TNNI3K: variants seen among roughly 807,000 people sequenced by gnomAD.
TNNI3K encodes serine/threonine-protein kinase TNNI3K.
A neutral mutation model predicts 114.5 loss-of-function variants in TNNI3K; 140 were observed. The ratio of observed to expected loss-of-function variants is 1.22; its 90% CI spans 1.07 to 1.41. The LOEUF (loss-of-function observed/expected upper bound fraction) is 1.41, where lower values mean the gene tolerates loss of function less well. Ranked by LOEUF, TNNI3K falls within the 40% of genes most tolerant of loss-of-function variation. The pLI is 0.00. For missense variants in TNNI3K, 1,125 were observed against 1,007.6 expected (o/e 1.12, Z -1.58); for synonymous variants, 347 against 347.5 (o/e 1.00, Z 0.02).
chr1:74,532,135 A>C (rs12088642), intron 23 of TNNI3K, among the ~76,000 whole-genome samples: 1,771 of 152,316 alleles, frequency 0.012, 25 homozygotes, highest in African/African-American at 0.039. Flanking sequence ...AAAATTTTAC[A>C]CAAGATCAGA....
At chr1:74,352,872 T>G (rs10157188) in intron 9 of TNNI3K, among the ~76,000 whole-genome samples, 90,112 of 151,806 alleles carry the variant, frequency 0.59, 30,280 homozygotes, top group East Asian at 0.82. Context: ...CTGTCACCCC[T>G]TTCTTTGACT....
intron 5 of TNNI3K, among the ~76,000 whole-genome samples, chr1:74,323,685 G>C (rs1350813364): frequency 3.3e-5 from 5 of 152,028 alleles, no homozygotes; most frequent in Admixed American, 3.3e-4. Context: ...AGCAGGAGTA[G>C]AAGTAGTAGT....
chr1:74,339,811 A>T (rs1349751201), intron 7 of TNNI3K, among the ~76,000 whole-genome samples: 2 of 152,100 alleles, frequency 1.3e-5, no homozygotes, highest in South Asian at 2.1e-4. Context: ...AATAAGAAAA[A>T]AAAATGGTGA....
At position 74,393,845 on chromosome 1, in the gene TNNI3K, CCCTTGCATGCATAGTTCACA is replaced by C. The variant is rs1570566324; in HGVS notation, c.1772+23454_1772+23473del. Among the ~76,000 whole-genome samples, 4 of 152,238 alleles carry C rather than the reference CCCTTGCATGCATAGTTCACA, an allele frequency of 2.6e-5. No homozygotes were observed. The East Asian group carries it at 5.8e-4, about 22-fold the overall frequency. On this transcript the variant is annotated intron_variant, in intron 17 of 24. Transcript: ENST00000326637. ...CTCATAAGGATCACACAACCTAGAT[CCCTTGCATGCATAGTTCACA>C]ATAGGGTTTGTGCTCCTATGAGAAT...
intron 21 of TNNI3K, among the ~76,000 whole-genome samples, chr1:74,479,844 G>T (rs987572637): frequency 2.6e-5 from 4 of 152,192 alleles, no homozygotes; most frequent in African/African-American, 9.6e-5. Context: ...TATTATTCCT[G>T]TATTATACAC....
intron 21 of TNNI3K, chr1:74,472,127 G>A (rs1340378703): frequency 1.3e-5 from 9 of 717,122 alleles, no homozygotes; most frequent in Non-Finnish European, 2.1e-5. Flanking sequence ...TTTGTTAAAC[G>A]CTTCTCAAGA....
chr1:74,464,250 C>A (rs567038867), intron 21 of TNNI3K, among the ~76,000 whole-genome samples: 4 of 152,300 alleles, frequency 2.6e-5, no homozygotes, highest in African/African-American at 9.6e-5. Flanking sequence ...GAGGAGATTG[C>A]ACAACTTCTT....
intron 20 of TNNI3K, among the ~76,000 whole-genome samples, chr1:74,456,948 T>C (rs1667251104): frequency 6.6e-6 from 1 of 152,198 alleles, no homozygotes; most frequent in Admixed American, 6.5e-5. Flanking sequence ...TCAATAGGTC[T>C]CATATTGGTA....
At chr1:74,469,554 A>T (rs1667822406) in intron 21 of TNNI3K, 1 of 194,710 alleles carries the variant, frequency 5.1e-6, no homozygotes, top group South Asian at 2.0e-4. Flanking sequence ...TACTCTTCTT[A>T]TGTAGTTTTT....
chr1:74,331,553 G>T lies in TNNI3K; in HGVS notation c.543+5G>T, dbSNP rs1660208550. On this transcript the variant is annotated splice_donor_5th_base_variant and intron_variant, in intron 6 of 24. Transcript: ENST00000326637. ...GCGTACTATGGACATGAACAGGTAA[G>T]TCTGACAGTAGGATTTCCAAAGGTT... 1 of 1,607,512 alleles carries T rather than the reference G, an allele frequency of 6.2e-7. No individual in the cohort carries two copies. The highest frequency in any genetic ancestry group is 8.5e-7 in the Non-Finnish European group (1 of 1,175,944).
intron 21 of TNNI3K, chr1:74,472,101 A>G: frequency 1.4e-6 from 1 of 717,072 alleles, no homozygotes; most frequent in Admixed American, 2.0e-5. Context: ...TTTCTATTGG[A>G]GGCTGCCATG....
intron 23 of TNNI3K, among the ~76,000 whole-genome samples, chr1:74,500,582 C>T (rs1669567991): frequency 8.3e-6 from 1 of 120,152 alleles, no homozygotes; most frequent in Non-Finnish European, 1.6e-5. Flanking sequence ...CCAGCCTGGG[C>T]GACAGAGCGA....
intron 13 of TNNI3K, among the ~76,000 whole-genome samples, 192 bp downstream of exon 13, chr1:74,368,156 A>T (rs1662379224): frequency 6.6e-6 from 1 of 151,902 alleles, no homozygotes; most frequent in African/African-American, 2.4e-5. Flanking sequence ...AGATATAATA[A>T]CAGTGAAAAT....
At chr1:74,510,533 T>A (rs1009195467) in intron 23 of TNNI3K, among the ~76,000 whole-genome samples, 2 of 151,850 alleles carry the variant, frequency 1.3e-5, no homozygotes, top group Non-Finnish European at 2.9e-5. Flanking sequence ...GAGAAAAAAA[T>A]TATTGAGAGA....
intron 17 of TNNI3K, among the ~76,000 whole-genome samples, chr1:74,400,284 A>T (rs529312155): frequency 2.3e-4 from 35 of 152,200 alleles, no homozygotes; most frequent in Non-Finnish European, 4.9e-4. Context: ...TACTATAACT[A>T]CCGATCCCAC....
intron 9 of TNNI3K, chr1:74,345,881 T>C (rs1557510336): frequency 1.3e-5 from 2 of 152,216 alleles, no homozygotes; most frequent in Non-Finnish European, 2.9e-5. Context: ...ATCTTAGCTT[T>C]CCCAGTAACC....
At chr1:74,368,966 A>G in intron 13 of TNNI3K, 56 bp from the exon 14 acceptor site, 1 of 1,353,886 alleles carries the variant, frequency 7.4e-7, no homozygotes, top group Non-Finnish European at 1.0e-6. Context: ...ACATGTATAC[A>G]CATCCATGTG....
At chr1:74,453,079 T>G (rs1426044872) in intron 20 of TNNI3K, among the ~76,000 whole-genome samples, 1 of 152,212 alleles carries the variant, frequency 6.6e-6, no homozygotes, top group East Asian at 1.9e-4. Flanking sequence ...CACAGTTTTG[T>G]AATTTTCTCT....
chr1:74,465,033 T>C, intron 21 of TNNI3K: 1 of 1,081,140 alleles, frequency 9.2e-7, no homozygotes, highest in Non-Finnish European at 1.1e-6. Flanking sequence ...TTCTTGTATT[T>C]CAGTGTGAAC....
Sources: allele counts gnomAD v4.1 joint callset (sites outside exome capture counted in the v4.1 genomes callset), GRCh38; gene constraint gnomAD v4.1.1; transcripts MANE v1.5; gene names NCBI Gene and HGNC (gene_info 2026-07-23, HGNC 2026-07-21).